Variants in FOXP4 observed in about 807,000 individuals in gnomAD.
FOXP4 encodes the protein forkhead box protein P4.
In FOXP4, 25 loss-of-function variants were observed where a neutral mutation model predicts 82.6. The ratio of observed to expected loss-of-function variants is 0.30; its 90% CI spans 0.22 to 0.42. FOXP4 has a LOEUF of 0.42. FOXP4 is among the 10% of genes least tolerant of loss of function. FOXP4 has a pLI of 1.00. For synonymous variants in FOXP4, 415 were observed against 388.2 expected, an observed-to-expected ratio of 1.07 and a Z score of -0.81; for missense variants, 785 against 900.9, an observed-to-expected ratio of 0.87 and a Z score of 1.65.
chr6:41,548,073 G>GT (rs1763762765), intron 1 of FOXP4, among the ~76,000 whole-genome samples: 1 of 152,216 alleles, frequency 6.6e-6, no homozygotes, highest in Admixed American at 6.5e-5. Flanking sequence ...CCGATCCTAG[G>GT]TTGGGGGGAA....
At chr6:41,585,295 C>G in intron 4 of FOXP4, 136 bp from the exon 5 acceptor site, 2 of 884,330 alleles carry the variant, frequency 2.3e-6, no homozygotes, top group South Asian at 1.7e-5. Flanking sequence ...CAGGGCCCCT[C>G]CAGGCTGACT....
intron 2 of FOXP4, among the ~76,000 whole-genome samples, chr6:41,576,954 A>G (rs1206755550): frequency 1.3e-5 from 2 of 152,162 alleles, no homozygotes; most frequent in African/African-American, 4.8e-5. Flanking sequence ...ATGTGGATTC[A>G]GAACTTGCCT....
intron 1 of FOXP4, among the ~76,000 whole-genome samples, chr6:41,551,720 T>C (rs376778934): frequency 9.2e-5 from 14 of 152,136 alleles, no homozygotes; most frequent in African/African-American, 3.4e-4. Context: ...GCAGGACTGG[T>C]GGGAGCAGAA....
chr6:41,569,661 C>T (rs371855479), intron 2 of FOXP4, among the ~76,000 whole-genome samples: 5 of 152,138 alleles, frequency 3.3e-5, no homozygotes, highest in East Asian at 3.9e-4. Context: ...CAGGCAGAGC[C>T]GCTGGCGGCG....
intron 2 of FOXP4, among the ~76,000 whole-genome samples, 177 bp from the exon 3 acceptor site, chr6:41,577,809 C>T (rs1221918505): frequency 6.6e-6 from 1 of 152,168 alleles, no homozygotes; most frequent in Non-Finnish European, 1.5e-5. Context: ...ACCCCAACAG[C>T]TCTTCTCAGT....
At chr6:41,580,531 C>T (rs1257797081) in intron 3 of FOXP4, among the ~76,000 whole-genome samples, 1 of 152,236 alleles carries the variant, frequency 6.6e-6, no homozygotes, top group East Asian at 1.9e-4. Flanking sequence ...TGGAGCCATG[C>T]TTCCCCAGGA....
chr6:41,553,418 C>T (rs1175060619), intron 1 of FOXP4, among the ~76,000 whole-genome samples: 2 of 152,156 alleles, frequency 1.3e-5, no homozygotes, highest in Non-Finnish European at 2.9e-5. Flanking sequence ...CTTCTCCTCC[C>T]CCATTCCTTT....
intron 14 of FOXP4, 102 bp downstream of exon 14, chr6:41,595,093 T>G: frequency 2.0e-6 from 3 of 1,528,840 alleles, no homozygotes; most frequent in East Asian, 2.4e-5. Context: ...CACCAGATCC[T>G]TCCTGGCTGG....
intron 1 of FOXP4, among the ~76,000 whole-genome samples, chr6:41,552,187 C>T (rs1445016486): frequency 1.3e-5 from 2 of 152,136 alleles, no homozygotes; most frequent in East Asian, 1.9e-4. Context: ...GAGACCCAGG[C>T]CTAAAGAAGT....
At chr6:41,570,385 G>T (rs1765133813) in intron 2 of FOXP4, 2 of 471,272 alleles carry the variant, frequency 4.2e-6, no homozygotes, top group Non-Finnish European at 4.4e-6. Context: ...TTCCTCCTTG[G>T]CCTGACACAG....
At chr6:41,568,146 T>C (rs999843640) in intron 2 of FOXP4, among the ~76,000 whole-genome samples, 2 of 152,212 alleles carry the variant, frequency 1.3e-5, no homozygotes, top group Non-Finnish European at 2.9e-5. Flanking sequence ...ATGTTCCTAC[T>C]TGTAGGATAA....
intron 12 of FOXP4, 82 bp downstream of exon 12, chr6:41,590,429 A>ATCCT: frequency 6.8e-7 from 1 of 1,472,454 alleles, no homozygotes; most frequent in East Asian, 2.3e-5. Context: ...GCCTCCAGGA[A>ATCCT]GGTCCTGGGG....
chr6:41,584,813 G>C lies in FOXP4; in HGVS notation c.345G>C (p.Pro115=), dbSNP rs756710342. 1 of 1,605,290 alleles carries C rather than the reference G, an allele frequency of 6.2e-7. No individual in the cohort carries two copies. Among genetic ancestry groups the C allele is most frequent in the East Asian group, 2.2e-5 (1 of 44,470 alleles). ...TGATGTCGCCGCAGATGCTTACCCC[G>C]CAACAGATGCAGCAGATCCTGTCGC... ...VAMMSPQMLT[P]QQMQQILSPP... The change falls in exon 4 of 17, where the codon CCG becomes CCC. Residue 115 remains proline, a synonymous_variant. Coordinates refer to ENST00000307972, the MANE Select transcript of FOXP4 (RefSeq NM_001012426.2).
intron 3 of FOXP4, among the ~76,000 whole-genome samples, chr6:41,580,701 A>G (rs564005678): frequency 7.4e-4 from 112 of 152,262 alleles, no homozygotes; most frequent in African/African-American, 2.6e-3. Context: ...TATGAGCTCA[A>G]GATTGGTGAG....
In FOXP4 at chr6:41,599,158, G is replaced by A. The variant is rs540955901; in HGVS notation, c.*222G>A. On this transcript the variant is annotated 3_prime_UTR_variant, in exon 17 of 17. Coordinates refer to ENST00000307972, the MANE Select transcript of FOXP4 (RefSeq NM_001012426.2). ...CAACCCCTGGTCTTGGACCAGTAGA[G>A]GACACGGAGGGTTCAGACCCCTCCT... 38 of 553,320 alleles carry A rather than the reference G, an allele frequency of 6.9e-5. No individual in the cohort carries two copies. Among genetic ancestry groups the A allele is most frequent in the African/African-American group, 6.3e-4 (33 of 52,324 alleles). 34.3% of individuals were successfully genotyped at this position (553,320 alleles called of 1,614,324 possible). A position where few individuals can be genotyped will look rare whatever the true frequency, so the allele number is the denominator to read the frequency against.
Position 41,577,923 on chromosome 6 carries a change from T to A in FOXP4, c.205-63T>A. 3 of 1,246,518 alleles carry A rather than the reference T, an allele frequency of 2.4e-6. No individual in the cohort carries two copies. In the Middle Eastern group the frequency reaches 5.6e-4, roughly 232 times the overall value. 77.2% of individuals were successfully genotyped at this position (1,246,518 alleles called of 1,614,324 possible). A position where few individuals can be genotyped will look rare whatever the true frequency, so the allele number is the denominator to read the frequency against. On this transcript the variant is annotated intron_variant, in intron 2 of 16. Coordinates refer to ENST00000307972, the MANE Select transcript of FOXP4 (RefSeq NM_001012426.2). ...TCCTTCTCCTTACTGCCCCAAACAC[T>A]CCCTAATCCCTGGATCCCACCCAGC...
At chr6:41,597,622 G>A (rs574890863) in intron 15 of FOXP4, among the ~76,000 whole-genome samples, 159 bp from the exon 16 acceptor site, 1 of 152,292 alleles carries the variant, frequency 6.6e-6, no homozygotes, top group South Asian at 2.1e-4. Flanking sequence ...ACATTCAAAG[G>A]CTGAGTTGGG....
intron 12 of FOXP4, 53 bp downstream of exon 12, chr6:41,590,400 C>G (rs996645456): frequency 1.9e-5 from 29 of 1,555,818 alleles, no homozygotes; most frequent in Non-Finnish European, 2.5e-5. Flanking sequence ...GCTGCTCCCC[C>G]AGCCCCCGCC....
At chr6:41,587,762 C>A in intron 7 of FOXP4, 31 bp from the exon 8 acceptor site, 1 of 1,466,236 alleles carries the variant, frequency 6.8e-7, no homozygotes, top group Non-Finnish European at 9.3e-7. Context: ...TTCAGGGTCC[C>A]TGATCGGCCA....
Sources: allele counts gnomAD v4.1 joint callset (sites outside exome capture counted in the v4.1 genomes callset), GRCh38; gene constraint gnomAD v4.1.1; transcripts MANE v1.5; gene names NCBI Gene and HGNC (gene_info 2026-07-23, HGNC 2026-07-21).